The following SDK1 variants were observed in gnomAD, a reference collection of about 807,000 sequenced individuals.
The protein encoded by SDK1 is sidekick cell adhesion molecule 1.
A neutral mutation model predicts 245.5 loss-of-function variants in SDK1; 157 were observed. The ratio of observed to expected loss-of-function variants is 0.64; its 90% confidence interval spans 0.56 to 0.73. SDK1 has a LOEUF of 0.73. SDK1 is among the 30% of genes least tolerant of loss of function. The pLI is 0.00. For synonymous variants in SDK1, 1,647 were observed against 1,278.5 expected (o/e 1.29, Z -6.15); for missense variants, 3,583 against 3,002.3 (o/e 1.19, Z -4.52).
chr7:3,320,129 GA>G (rs1166110436), intron 1 of SDK1, among the ~76,000 whole-genome samples: 1 of 151,794 alleles, frequency 6.6e-6, no homozygotes, highest in East Asian at 1.9e-4. Context: ...GGAAGCTCCG[GA>G]TGACTGTTTC....
intron 1 of SDK1, among the ~76,000 whole-genome samples, chr7:3,439,480 T>A (rs1407722644): frequency 6.6e-6 from 1 of 152,118 alleles, no homozygotes; most frequent in Non-Finnish European, 1.5e-5. Flanking sequence ...TAAGACTCAG[T>A]GGACAGCAAT....
At chr7:3,612,726 A>T (rs796930442) in intron 1 of SDK1, among the ~76,000 whole-genome samples, 10 of 152,310 alleles carry the variant, frequency 6.6e-5, no homozygotes, top group African/African-American at 2.4e-4. Flanking sequence ...GCCCTGGGAA[A>T]TTCAGCTGTG....
intron 1 of SDK1, among the ~76,000 whole-genome samples, chr7:3,431,244 C>A (rs1467981626): frequency 1.3e-5 from 2 of 151,988 alleles, no homozygotes; most frequent in Non-Finnish European, 2.9e-5. Flanking sequence ...ACCATACATG[C>A]TCTGCTTCCA....
chr7:3,581,830 G>C (rs892947992), intron 1 of SDK1, among the ~76,000 whole-genome samples: 3 of 152,232 alleles, frequency 2.0e-5, no homozygotes, highest in African/African-American at 7.2e-5. Context: ...AATAGAATGA[G>C]ATTGTGTCCT....
chr7:3,888,350 G>A (rs776813527), intron 5 of SDK1, among the ~76,000 whole-genome samples: 8 of 152,164 alleles, frequency 5.3e-5, no homozygotes, highest in Non-Finnish European at 7.3e-5. Context: ...CCACAGCATC[G>A]GGGTGGAACC....
chr7:3,641,934 G>A, intron 3 of SDK1, 24 bp from the exon 4 acceptor site: 1 of 1,602,268 alleles, frequency 6.2e-7, no homozygotes. Context: ...TCTAGAACTT[G>A]AAAGCACTTC....
chr7:4,003,086 C>T (rs1482022383), intron 14 of SDK1, among the ~76,000 whole-genome samples: 2 of 152,260 alleles, frequency 1.3e-5, no homozygotes, highest in Admixed American at 6.5e-5. Context: ...GCTCTAGCCT[C>T]AAGGAGGAAT....
Position 3,413,524 on chromosome 7 carries a change from G to A in SDK1, c.298+111640G>A, listed in dbSNP as rs148616247. ...AGCCTGGCCAACATAGTGAAACTCC[G>A]TCTCTACTAAAGGCATGAAAATTAG... On this transcript the variant is annotated intron_variant, in intron 1 of 44. Coordinates refer to ENST00000404826, the MANE Select transcript of SDK1 (RefSeq NM_152744.4). Among the ~76,000 whole-genome samples the A allele has an allele frequency of 7.7e-3, 1,176 of 152,014 alleles. 16 individuals are homozygous for A. Among genetic ancestry groups the A allele is most frequent in the African/African-American group, 0.028 (1,144 of 41,458 alleles).
chr7:3,345,263 G>T (rs1484972711), intron 1 of SDK1, among the ~76,000 whole-genome samples: 2 of 152,100 alleles, frequency 1.3e-5, no homozygotes, highest in African/African-American at 2.4e-5. Flanking sequence ...TCTGGGACCT[G>T]ACTTCTTCCA....
chr7:3,576,613 T>G (rs1461387386), intron 1 of SDK1, among the ~76,000 whole-genome samples: 2 of 152,058 alleles, frequency 1.3e-5, no homozygotes, highest in South Asian at 2.1e-4. Flanking sequence ...TAGAAAAATG[T>G]AAGTCATAAT....
intron 1 of SDK1, among the ~76,000 whole-genome samples, chr7:3,592,506 G>A (rs764222878): frequency 6.6e-6 from 1 of 152,110 alleles, no homozygotes; most frequent in Non-Finnish European, 1.5e-5. Flanking sequence ...TCATTCTTGC[G>A]ACATTTTAAT....
rs138513364 is a variant in SDK1 at position 4,212,819 on chromosome 7, C to G, written c.5539+2657C>G. Among the ~76,000 whole-genome samples, 12 of 152,332 alleles carry G rather than the reference C, an allele frequency of 7.9e-5. No homozygotes were observed. In the East Asian group the frequency reaches 2.3e-3, roughly 29 times the overall value. On this transcript the variant is annotated intron_variant, in intron 38 of 44. Transcript: ENST00000404826. Reference sequence around the variant, plus strand: ...GTGAAAGCTTCATAGTTCTGATTGACCTGTGAGTCCTTCCTAATCAAAGGC... The same window carrying G: ...GTGAAAGCTTCATAGTTCTGATTGAGCTGTGAGTCCTTCCTAATCAAAGGC...
chr7:3,652,242 C>G (rs1350991137), intron 4 of SDK1, among the ~76,000 whole-genome samples: 1 of 152,062 alleles, frequency 6.6e-6, no homozygotes, highest in African/African-American at 2.4e-5. Context: ...TTTTTTCTTA[C>G]CATGGGGGAT....
intron 5 of SDK1, among the ~76,000 whole-genome samples, chr7:3,835,286 G>A (rs981181786): frequency 1.3e-5 from 2 of 152,090 alleles, no homozygotes; most frequent in Non-Finnish European, 2.9e-5. Flanking sequence ...CTCAATTATC[G>A]ACTCATGTTT....
intron 35 of SDK1, among the ~76,000 whole-genome samples, chr7:4,204,297 GT>G (rs775446477): frequency 6.6e-6 from 1 of 152,158 alleles, no homozygotes; most frequent in Non-Finnish European, 1.5e-5. Flanking sequence ...TGATTGAATT[GT>G]TTTTTTGTGT....
At chr7:3,627,068 C>T (rs1024901053) in intron 2 of SDK1, among the ~76,000 whole-genome samples, 2 of 152,162 alleles carry the variant, frequency 1.3e-5, no homozygotes, top group African/African-American at 4.8e-5. Flanking sequence ...GCTAGGGGTA[C>T]AGGCACACAC....
intron 4 of SDK1, among the ~76,000 whole-genome samples, chr7:3,798,357 A>G (rs1402054851): frequency 1.3e-5 from 2 of 151,522 alleles, no homozygotes; most frequent in African/African-American, 4.9e-5. Flanking sequence ...AGCTGGGACT[A>G]CAGGCGCCCG....
intron 5 of SDK1, among the ~76,000 whole-genome samples, chr7:3,856,775 G>T (rs1780558242): frequency 6.6e-6 from 1 of 152,216 alleles, no homozygotes; most frequent in African/African-American, 2.4e-5. Context: ...TGGGCAACAA[G>T]AGCGAAACTC....
intron 35 of SDK1, among the ~76,000 whole-genome samples, chr7:4,190,609 G>A (rs1344546938): frequency 1.3e-5 from 2 of 152,256 alleles, no homozygotes; most frequent in South Asian, 2.1e-4. Flanking sequence ...TGCCTCCGCC[G>A]TGGGGGATTC....
Sources: allele counts gnomAD v4.1 joint callset (sites outside exome capture counted in the v4.1 genomes callset), GRCh38; gene constraint gnomAD v4.1.1; transcripts MANE v1.5; gene names NCBI Gene and HGNC (gene_info 2026-07-23, HGNC 2026-07-21).